HIPK3: variants seen among roughly 807,000 people sequenced by gnomAD.
HIPK3 encodes homeodomain-interacting protein kinase 3.
In HIPK3, 47 loss-of-function variants were observed where a neutral mutation model predicts 124.2. The observed-to-expected ratio is 0.38, with a 90% CI of 0.30 to 0.48. The LOEUF is 0.48. Among genes scored for constraint, HIPK3 ranks in the 20% least tolerant of loss-of-function variants. The pLI, the probability that HIPK3 is intolerant of heterozygous loss-of-function variation, is 0.98. For synonymous variants in HIPK3, 482 were observed against 515.2 expected (o/e 0.94, Z 0.87); for missense variants, 1,286 against 1,454.3 (o/e 0.88, Z 1.88).
intron 8 of HIPK3, among the ~76,000 whole-genome samples, chr11:33,343,285 G>GTC (rs1327020888): frequency 3.8e-4 from 56 of 146,046 alleles, no homozygotes; most frequent in African/African-American, 1.4e-3. Flanking sequence ...GTGTGTGTGT[G>GTC]TGTGTCTTTT....
At chr11:33,328,679 T>C in intron 3 of HIPK3, 46 bp downstream of exon 3, 1 of 1,572,990 alleles carries the variant, frequency 6.4e-7, no homozygotes, top group Non-Finnish European at 8.7e-7. Context: ...AAGTAAAGAA[T>C]AATAACAGAC....
chr11:33,264,112 T>C (rs1850895403), intron 1 of HIPK3, among the ~76,000 whole-genome samples: 1 of 152,188 alleles, frequency 6.6e-6, no homozygotes, highest in Non-Finnish European at 1.5e-5. Context: ...AAAGACTAGA[T>C]TTCTAGGTAC....
chr11:33,323,601 T>C (rs1371103954), intron 2 of HIPK3, among the ~76,000 whole-genome samples: 2 of 152,178 alleles, frequency 1.3e-5, no homozygotes, highest in Non-Finnish European at 1.5e-5. Flanking sequence ...GAAAGTGGAT[T>C]TGTGGTGGCC....
upstream of HIPK3, chr11:33,257,291 G>A: frequency 1.0e-6 from 1 of 983,576 alleles, no homozygotes; most frequent in Non-Finnish European, 1.2e-6. Context: ...CCCGGGCTGG[G>A]CGCGCAGCGC....
chr11:33,258,775 T>A, intron 1 of HIPK3: 4 of 967,580 alleles, frequency 4.1e-6, no homozygotes, highest in Non-Finnish European at 4.9e-6. Context: ...TAAATTACCT[T>A]GGACTTGTTA....
chr11:33,308,866 A>G (rs1054038263), intron 2 of HIPK3, among the ~76,000 whole-genome samples: 2 of 148,156 alleles, frequency 1.3e-5, no homozygotes, highest in African/African-American at 5.0e-5. Context: ...TACTTTTTTT[A>G]TATTTCCTTT....
At chr11:33,341,508 C>G in intron 7 of HIPK3, 55 bp from the exon 8 acceptor site, 1 of 1,453,026 alleles carries the variant, frequency 6.9e-7, no homozygotes, top group Non-Finnish European at 9.2e-7. Context: ...TCTATTTATA[C>G]AGCGTGTATA....
chr11:33,333,330 C>T (rs1446883764), intron 3 of HIPK3, among the ~76,000 whole-genome samples: 2 of 152,134 alleles, frequency 1.3e-5, no homozygotes, highest in Non-Finnish European at 2.9e-5. Context: ...CTTCAAGTGC[C>T]TTTGTCTATT....
In HIPK3 at chr11:33,286,478, A is replaced by G. The variant is rs1386571669; in HGVS notation, c.64A>G (p.Ser22Gly). 4 of 1,601,964 alleles carry G rather than the reference A, an allele frequency of 2.5e-6. No individual in the cohort carries two copies. The highest frequency in any genetic ancestry group is 3.4e-6 in the Non-Finnish European group (4 of 1,178,112). Residue 22 changes from serine (S) to glycine (G), a missense_variant, in exon 2 of 17, where the codon AGT (serine) becomes GGT (glycine). Ser to Gly is a moderately conservative substitution (Grantham distance 56). Around this residue, in one of 3 missense-constraint regions of HIPK3, gnomAD observed 225 missense variants for 240.3 expected, o/e 0.94. Coordinates refer to ENST00000303296, the MANE Select transcript of HIPK3 (RefSeq NM_005734.5). The stretch of plus-strand genomic sequence containing the variant: ...TCAAACTCAGTCAAGTGCCTTTTGT[A>G]GTGTGAAGAAACTCAAAGTAGAGCC... ...VYQTQSSAFC[S>G]VKKLKVEPSS...
intron 1 of HIPK3, 142 bp from the exon 2 acceptor site, chr11:33,286,271 G>T: frequency 1.3e-6 from 1 of 746,210 alleles, no homozygotes; most frequent in East Asian, 2.9e-5. Flanking sequence ...TCATCTTCAT[G>T]GAAATTAATT....
At chr11:33,272,382 GAGTAAGACTCCGTCTCCAA>G (rs2133877747) in intron 1 of HIPK3, among the ~76,000 whole-genome samples, 1 of 151,506 alleles carries the variant, frequency 6.6e-6, no homozygotes, top group Admixed American at 6.6e-5. Context: ...CTGGGCGACA[GAGTAAGACTCCGTCTCCAA>G]AAAAAAAAAA....
intron 1 of HIPK3, among the ~76,000 whole-genome samples, chr11:33,266,916 C>T (rs1850980867): frequency 6.6e-6 from 1 of 152,088 alleles, no homozygotes; most frequent in Non-Finnish European, 1.5e-5. Context: ...TCATATTTCT[C>T]AGATGTGGCT....
intron 2 of HIPK3, among the ~76,000 whole-genome samples, chr11:33,326,452 TA>T (rs1395099736): frequency 2.0e-5 from 3 of 152,140 alleles, no homozygotes; most frequent in Non-Finnish European, 4.4e-5. Flanking sequence ...ATCCCAATAG[TA>T]ATGAGGATCC....
Position 33,355,588 on chromosome 11 carries a change from G to C in HIPK3, c.*2020G>C, listed in dbSNP as rs995092429. On this transcript the variant is annotated 3_prime_UTR_variant, in exon 17 of 17. Coordinates refer to ENST00000303296, the MANE Select transcript of HIPK3 (RefSeq NM_005734.5). ...ATTGTATACCACTAGTACAGCTCTA[G>C]TACAGCGTTCACAATAAGCTAATAA... 5.9e-5 allele frequency: 9 copies of C among 152,022 alleles called. No individual in the cohort carries two copies. The highest frequency in any genetic ancestry group is 2.2e-4 in the African/African-American group (9 of 41,432). 9.4% of individuals were successfully genotyped at this position (152,022 alleles called of 1,614,324 possible). A position where few individuals can be genotyped will look rare whatever the true frequency, so the allele number is the denominator to read the frequency against.
Position 33,351,671 on chromosome 11 carries a change from TTCC to T in HIPK3, c.2872_2874del (p.Ser958del). ...TGGATGGCTCTCCGACATCTGACTC[TTCC>T]GGGCATGACAGTCCATTTGCAGAGA... On this transcript the variant is annotated inframe_deletion, in exon 15 of 17. Transcript: ENST00000303296. 6.2e-7 allele frequency: 1 copy of T among 1,614,258 alleles called. No individual in the cohort carries two copies.
intron 2 of HIPK3, among the ~76,000 whole-genome samples, chr11:33,297,091 ATTTT>A (rs34751907): frequency 2.9e-5 from 4 of 136,480 alleles, no homozygotes; most frequent in Admixed American, 7.5e-5. Flanking sequence ...TATGGAAAAG[ATTTT>A]TTTTTTTTTT....
At chr11:33,260,409 A>T (rs1276159429) in intron 1 of HIPK3, among the ~76,000 whole-genome samples, 1 of 152,238 alleles carries the variant, frequency 6.6e-6, no homozygotes, top group Non-Finnish European at 1.5e-5. Context: ...GAAAATGTAA[A>T]TTTCAGAATG....
chr11:33,348,109 G>T, intron 11 of HIPK3, 57 bp from the exon 12 acceptor site: 1 of 1,605,502 alleles, frequency 6.2e-7, no homozygotes, highest in South Asian at 1.1e-5. Context: ...TATTCAAAAT[G>T]ACCTCTTTTA....
At chr11:33,342,102 C>CAAAAAAAA (rs58073130) in intron 8 of HIPK3, among the ~76,000 whole-genome samples, 7 of 55,584 alleles carry the variant, frequency 1.3e-4, no homozygotes, top group African/African-American at 3.8e-4. Flanking sequence ...GACTCTGTCT[C>CAAAAAAAA]AAAAAAAAAA....
Sources: allele counts gnomAD v4.1 joint callset (sites outside exome capture counted in the v4.1 genomes callset), GRCh38; gene constraint gnomAD v4.1.1; regional missense constraint gnomAD v4.1.1; transcripts MANE v1.5; gene names NCBI Gene and HGNC (gene_info 2026-07-23, HGNC 2026-07-21).